Variants in NTM observed in about 807,000 individuals in gnomAD.
NTM encodes the protein IgLON family member 2.
Under a neutral mutation model 42.1 loss-of-function variants are expected in NTM, and 13 were observed. That is an observed-to-expected ratio of 0.31 (90% CI 0.20 to 0.49). The LOEUF (loss-of-function observed/expected upper bound fraction) is 0.49. Ranked by LOEUF, NTM falls within the 20% of genes least tolerant of loss-of-function variation. The pLI is 0.99. For synonymous variants in NTM, 187 were observed against 179.2 expected, an observed-to-expected ratio of 1.04 and a Z score of -0.35; for missense variants, 373 against 452.8, an observed-to-expected ratio of 0.82 and a Z score of 1.60.
intron 3 of NTM, among the ~76,000 whole-genome samples, chr11:132,190,132 G>A (rs1053920885): frequency 6.6e-6 from 1 of 152,170 alleles, no homozygotes; most frequent in Non-Finnish European, 1.5e-5. Flanking sequence ...GTTGGTGGAA[G>A]GGACAGAGTG....
At chr11:132,078,806 G>C (rs183363690) in intron 2 of NTM, among the ~76,000 whole-genome samples, 1 of 152,296 alleles carries the variant, frequency 6.6e-6, no homozygotes, top group Middle Eastern at 3.4e-3. Flanking sequence ...TTTAAGAGCC[G>C]TTGGATCTGT....
At chr11:131,405,577 C>T (rs1452100134) in intron 1 of NTM, among the ~76,000 whole-genome samples, 3 of 152,178 alleles carry the variant, frequency 2.0e-5, no homozygotes, top group African/African-American at 7.2e-5. Context: ...TGAAAGGCAC[C>T]TTGCCTGAAC....
At chr11:132,243,585 C>A (rs957719409) in intron 4 of NTM, among the ~76,000 whole-genome samples, 1 of 152,166 alleles carries the variant, frequency 6.6e-6, no homozygotes. Flanking sequence ...TTCCCTCATC[C>A]TTAGCCCATG....
chr11:131,519,912 A>G (rs1329979010), intron 1 of NTM, among the ~76,000 whole-genome samples: 1 of 150,350 alleles, frequency 6.7e-6, no homozygotes, highest in African/African-American at 2.5e-5. Context: ...AGGTCTTCAT[A>G]GGAGGCTGCA....
intron 1 of NTM, among the ~76,000 whole-genome samples, chr11:131,607,408 G>C (rs562623152): frequency 4.7e-4 from 72 of 152,248 alleles, no homozygotes; most frequent in African/African-American, 1.7e-3. Context: ...GGTTATCCTT[G>C]GGTCACATCC....
chr11:132,140,651 T>C (rs896597176), intron 2 of NTM, among the ~76,000 whole-genome samples: 9 of 152,206 alleles, frequency 5.9e-5, no homozygotes, highest in African/African-American at 2.2e-4. Context: ...CTAGCTGATA[T>C]CTGAATGTTC....
chr11:131,570,228 G>C (rs972051333), intron 1 of NTM, among the ~76,000 whole-genome samples: 1 of 152,162 alleles, frequency 6.6e-6, no homozygotes, highest in African/African-American at 2.4e-5. Flanking sequence ...TTCAGTTCAT[G>C]GGAATCAGCA....
rs189043826 is a variant in NTM at position 131,801,194 on chromosome 11, G to A, written c.83-110370G>A. 3.3e-3 allele frequency among the ~76,000 whole-genome samples: 503 copies of A among 152,332 alleles called. 3 individuals are homozygous for A. Among genetic ancestry groups the A allele is most frequent in the Non-Finnish European group, 4.5e-3 (308 of 68,032 alleles). On this transcript the variant is annotated intron_variant, in intron 1 of 8. Transcript: ENST00000683400. ...TTTACCAAGTCAAGGAGAAAGAGCA[G>A]AGGAATGTTTTTTTCTGAAGTTCAA...
intron 1 of NTM, among the ~76,000 whole-genome samples, chr11:131,730,969 C>A (rs1290027236): frequency 6.6e-6 from 1 of 152,194 alleles, no homozygotes; most frequent in African/African-American, 2.4e-5. Flanking sequence ...AGTTAGAGGG[C>A]TGTTGCCCAA....
At chr11:131,993,827 C>T (rs2067457872) in intron 2 of NTM, among the ~76,000 whole-genome samples, 1 of 151,748 alleles carries the variant, frequency 6.6e-6, no homozygotes, top group Non-Finnish European at 1.5e-5. Context: ...ATGGTAGAAA[C>T]CCCATCTCTA....
intron 2 of NTM, among the ~76,000 whole-genome samples, chr11:131,938,040 CA>C (rs1386585244): frequency 6.6e-6 from 1 of 152,192 alleles, no homozygotes; most frequent in Non-Finnish European, 1.5e-5. Flanking sequence ...TTCCTTCAGT[CA>C]TTTCTCTAAC....
At chr11:131,371,847 A>T (rs552793446) in intron 1 of NTM, among the ~76,000 whole-genome samples, 2 of 152,320 alleles carry the variant, frequency 1.3e-5, no homozygotes, top group African/African-American at 4.8e-5. Context: ...ACTCGTAAGG[A>T]TCGAGACAAG....
intron 4 of NTM, among the ~76,000 whole-genome samples, chr11:132,228,064 C>T (rs767985696): frequency 6.6e-6 from 1 of 152,146 alleles, no homozygotes; most frequent in Non-Finnish European, 1.5e-5. Flanking sequence ...TCAAGTTAGG[C>T]TTTTGAAGCC....
intron 1 of NTM, among the ~76,000 whole-genome samples, chr11:131,539,803 G>A (rs1318141251): frequency 1.3e-5 from 2 of 152,198 alleles, no homozygotes; most frequent in Admixed American, 6.5e-5. Flanking sequence ...GTGCACTGCA[G>A]GAGGTTGAAC....
chr11:131,620,902 C>T (rs1425372987), intron 1 of NTM, among the ~76,000 whole-genome samples: 2 of 152,166 alleles, frequency 1.3e-5, no homozygotes, highest in Admixed American at 6.5e-5. Context: ...GAGTACTTGG[C>T]ACATAGTAGA....
At chr11:131,833,881 C>T (rs1486707361) in intron 1 of NTM, among the ~76,000 whole-genome samples, 1 of 152,080 alleles carries the variant, frequency 6.6e-6, no homozygotes, top group Non-Finnish European at 1.5e-5. Flanking sequence ...TTATTTTGCC[C>T]AAAGACAGAA....
At chr11:132,271,479 T>G (rs1363936216) in intron 4 of NTM, among the ~76,000 whole-genome samples, 2 of 152,320 alleles carry the variant, frequency 1.3e-5, no homozygotes, top group Non-Finnish European at 2.9e-5. Flanking sequence ...CAGACTATTT[T>G]GCAAAGTTGC....
rs1034895587 is a variant in NTM, at chr11:132,335,856, C to A, written c.*710C>A. The stretch of plus-strand genomic sequence containing the variant: ...AACTTACTGCAAAAACAAGACAAAA[C>A]TAAAAAAATACAACTGAGAAGGGTG... On this transcript the variant is annotated 3_prime_UTR_variant, in exon 9 of 9. Transcript: ENST00000683400. 3 of 151,682 alleles carry A rather than the reference C, an allele frequency of 2.0e-5. No individual in the cohort carries two copies. Among genetic ancestry groups the A allele is most frequent in the Admixed American group, 2.0e-4 (3 of 15,180 alleles). 9.4% of individuals were successfully genotyped at this position (151,682 alleles called of 1,614,324 possible). A position where few individuals can be genotyped will look rare whatever the true frequency, so the allele number is the denominator to read the frequency against.
chr11:131,638,448 C>A (rs1213103669), intron 1 of NTM, among the ~76,000 whole-genome samples: 1 of 151,586 alleles, frequency 6.6e-6, no homozygotes, highest in African/African-American at 2.4e-5. Context: ...TGCCTGTAAT[C>A]CCAGCTACTG....
Sources: gnomAD v4.1 joint callset for allele counts (sites outside exome capture counted in the v4.1 genomes callset) on GRCh38, gnomAD v4.1.1 for gene constraint, MANE v1.5 for transcripts, NCBI Gene and HGNC (gene_info 2026-07-23, HGNC 2026-07-21) for gene names.